CYP39A1: variants seen among roughly 807,000 people sequenced by gnomAD.
CYP39A1 encodes cytochrome P450 family 39 subfamily A member 1.
Under a neutral mutation model 58.1 loss-of-function variants are expected in CYP39A1, and 49 were observed. The ratio of observed to expected loss-of-function variants is 0.84; its 90% CI spans 0.67 to 1.07. The LOEUF (loss-of-function observed/expected upper bound fraction) is 1.07, where lower values mean the gene tolerates loss of function less well. Ranked by LOEUF, CYP39A1 falls within the 50% of genes least tolerant of loss-of-function variation. CYP39A1 has a pLI of 0.00. For missense variants in CYP39A1, 531 were observed against 539.4 expected, an observed-to-expected ratio of 0.98 and a Z score of 0.16; for synonymous variants, 209 against 187.6, an observed-to-expected ratio of 1.11 and a Z score of -0.93.
intron 10 of CYP39A1, among the ~76,000 whole-genome samples, chr6:46,566,231 G>T (rs1771265740): frequency 6.6e-6 from 1 of 152,168 alleles, no homozygotes; most frequent in African/African-American, 2.4e-5. Context: ...ATACAAATGA[G>T]CTATGAGCTA....
At position 46,639,663 on chromosome 6, in the gene CYP39A1, T is replaced by C. The variant is rs776107338; in HGVS notation, c.319A>G (p.Ile107Val). 4 of 1,611,694 alleles carry C rather than the reference T, an allele frequency of 2.5e-6. No individual in the cohort carries two copies. Among genetic ancestry groups the C allele is most frequent in the African/African-American group, 1.3e-5 (1 of 74,810 alleles). ...AGTGCTAAAAAGACATTCTTTGGAATTGATGCTATGAACAAAGAAAACTAT... is the reference window on the plus strand; with the variant it reads ...AGTGCTAAAAAGACATTCTTTGGAACTGATGCTATGAACAAAGAAAACTAT... ...VQNIVYRTAS[I>V]PKNVFLALHE... is the part of the protein sequence containing the mutation. The change falls in exon 3 of 12, where the codon ATT becomes GTT. Residue 107 changes from isoleucine to valine, a missense_variant. Physicochemically the swap from Ile to Val is conservative, Grantham distance 29. Transcript: ENST00000275016.
Position 46,549,841 on chromosome 6 carries a change from G to A in CYP39A1, c.*525C>T, listed in dbSNP as rs1187508223. ...GAAAACTACCATTTTATTACTTTTA[G>A]CATTAGATACGTTTACAATAAAGAA... On this transcript the variant is annotated 3_prime_UTR_variant, in exon 12 of 12. Coordinates refer to ENST00000275016, the MANE Select transcript of CYP39A1 (RefSeq NM_016593.5). 2 of 152,348 alleles carry A rather than the reference G, an allele frequency of 1.3e-5. No homozygotes were observed. Among genetic ancestry groups the A allele is most frequent in the Non-Finnish European group, 2.9e-5 (2 of 68,038 alleles). 9.4% of individuals were successfully genotyped at this position (152,348 alleles called of 1,614,324 possible). A position where few individuals can be genotyped will look rare whatever the true frequency, so the allele number is the denominator to read the frequency against.
At position 46,565,908 on chromosome 6, in the gene CYP39A1, C is replaced by T. The variant is rs547195630; in HGVS notation, c.1251-12054G>A. ...TTGGGGAGACAGATTTGAGCATTTCCTCCTGTATCCTTGCCAGTTGACTTG... is the reference window on the plus strand; with the variant it reads ...TTGGGGAGACAGATTTGAGCATTTCTTCCTGTATCCTTGCCAGTTGACTTG... On this transcript the variant is annotated intron_variant, in intron 10 of 11. Coordinates refer to ENST00000275016, the MANE Select transcript of CYP39A1 (RefSeq NM_016593.5). Among the ~76,000 whole-genome samples, 7 of 152,292 alleles carry T rather than the reference C, an allele frequency of 4.6e-5. No homozygotes were observed. The East Asian group carries it at 1.2e-3, about 25-fold the overall frequency.
intron 7 of CYP39A1, among the ~76,000 whole-genome samples, chr6:46,619,178 T>C (rs1383682823): frequency 6.6e-6 from 1 of 152,118 alleles, no homozygotes; most frequent in Non-Finnish European, 1.5e-5. Flanking sequence ...CAGAAAACTG[T>C]CAAAAAGTCT....
intron 10 of CYP39A1, among the ~76,000 whole-genome samples, chr6:46,570,651 G>C (rs1771536857): frequency 6.6e-6 from 1 of 152,156 alleles, no homozygotes; most frequent in Non-Finnish European, 1.5e-5. Flanking sequence ...TCTGCTTCTG[G>C]TGAGGGCCTC....
chr6:46,578,085 A>T (rs1294986805), intron 10 of CYP39A1, among the ~76,000 whole-genome samples: 2 of 152,166 alleles, frequency 1.3e-5, no homozygotes, highest in East Asian at 3.8e-4. Flanking sequence ...ACACTCTCAG[A>T]CCACAGTGCA....
At chr6:46,561,181 C>T (rs145688360) in intron 10 of CYP39A1, among the ~76,000 whole-genome samples, 5 of 152,228 alleles carry the variant, frequency 3.3e-5, no homozygotes, top group Admixed American at 3.3e-4. Flanking sequence ...AAAATGCTGG[C>T]TAATTTTGTA....
At chr6:46,650,295 G>T (rs191512258) in intron 1 of CYP39A1, among the ~76,000 whole-genome samples, 155 of 151,916 alleles carry the variant, frequency 1.0e-3, no homozygotes, top group South Asian at 9.2e-3. Context: ...TTGTGGTTAG[G>T]GGGTAGGCTG....
chr6:46,641,718 C>T (rs889659432), intron 2 of CYP39A1, among the ~76,000 whole-genome samples: 2 of 152,190 alleles, frequency 1.3e-5, no homozygotes. Context: ...ACCATAACAG[C>T]CCTATAAAAT....
In CYP39A1 at chr6:46,652,400, A is replaced by G. The variant is rs554672323; in HGVS notation, c.177+6T>C. On this transcript the variant is annotated splice_donor_region_variant and intron_variant, in intron 1 of 11. Coordinates refer to ENST00000275016, the MANE Select transcript of CYP39A1 (RefSeq NM_016593.5). ...TCTGGAGACCCCGTCTGCCACGACC[A>G]CATACCTTGATTCTTGCTTTCTCTA... is the stretch of plus-strand genomic sequence containing the variant. 233 of 1,609,732 alleles carry G rather than the reference A, an allele frequency of 1.4e-4. No homozygotes were observed. In the South Asian group the frequency reaches 2.3e-3, roughly 16 times the overall value.
At chr6:46,589,670 TAG>T (rs1772706273) in intron 8 of CYP39A1, among the ~76,000 whole-genome samples, 1 of 151,908 alleles carries the variant, frequency 6.6e-6, no homozygotes, top group Non-Finnish European at 1.5e-5. Context: ...CATTTTAAAA[TAG>T]AGAGACCTGT....
At chr6:46,639,427 C>G (rs1387313685) in intron 3 of CYP39A1, 67 bp downstream of exon 3, 1 of 1,461,112 alleles carries the variant, frequency 6.8e-7, no homozygotes, top group African/African-American at 1.4e-5. Context: ...GAAGTCCAAT[C>G]TATAGGTTTC....
At chr6:46,585,965 C>T (rs1265928978) in intron 10 of CYP39A1, among the ~76,000 whole-genome samples, 2 of 152,118 alleles carry the variant, frequency 1.3e-5, no homozygotes, top group Non-Finnish European at 2.9e-5. Context: ...TCTCCTTTCA[C>T]TCTGTTTGGC....
intron 6 of CYP39A1, among the ~76,000 whole-genome samples, chr6:46,627,381 A>G (rs1562004797): frequency 6.6e-6 from 1 of 151,936 alleles, no homozygotes; most frequent in Non-Finnish European, 1.5e-5. Flanking sequence ...AAACATAAGC[A>G]ATTTAGCTAA....
chr6:46,571,724 A>G (rs1771593512), intron 10 of CYP39A1, among the ~76,000 whole-genome samples: 1 of 151,892 alleles, frequency 6.6e-6, no homozygotes, highest in Non-Finnish European at 1.5e-5. Context: ...ATCCATTTAC[A>G]TGCAAAGTAA....
intron 7 of CYP39A1, among the ~76,000 whole-genome samples, chr6:46,615,174 C>A (rs73469157): frequency 6.6e-6 from 1 of 151,612 alleles, no homozygotes; most frequent in African/African-American, 2.4e-5. Context: ...TCAGATTTTG[C>A]GTGGCCAAAA....
intron 2 of CYP39A1, 130 bp downstream of exon 2, chr6:46,642,033 C>G (rs2277120): frequency 1.0e-6 from 1 of 993,298 alleles, no homozygotes; most frequent in East Asian, 2.5e-5. Context: ...CCTCTTCTAC[C>G]CATACCTCAA....
intron 7 of CYP39A1, among the ~76,000 whole-genome samples, chr6:46,613,501 T>C (rs2150553126): frequency 6.6e-6 from 1 of 152,332 alleles, no homozygotes; most frequent in Non-Finnish European, 1.5e-5. Flanking sequence ...TCTATGCAGG[T>C]GCATTTCTAT....
chr6:46,618,716 A>G (rs1774768316), intron 7 of CYP39A1, among the ~76,000 whole-genome samples: 1 of 151,992 alleles, frequency 6.6e-6, no homozygotes, highest in South Asian at 2.1e-4. Flanking sequence ...TCTGTATATA[A>G]TGATTTGTGT....
Sources: allele counts gnomAD v4.1 joint callset (sites outside exome capture counted in the v4.1 genomes callset), GRCh38; gene constraint gnomAD v4.1.1; transcripts MANE v1.5; gene names NCBI Gene and HGNC (gene_info 2026-07-23, HGNC 2026-07-21).